Variants in RPS6KA2 observed in about 807,000 individuals in gnomAD.
RPS6KA2 encodes ribosomal protein S6 kinase alpha-2.
In RPS6KA2, 42 loss-of-function variants were observed where a neutral mutation model predicts 91.8. The ratio of observed to expected loss-of-function variants is 0.46; its 90% CI spans 0.36 to 0.59. The LOEUF is 0.59. Ranked by LOEUF, RPS6KA2 falls within the 20% of genes least tolerant of loss-of-function variation. The pLI, the probability that RPS6KA2 is intolerant of heterozygous loss-of-function variation, is 0.00. For synonymous variants in RPS6KA2, 414 were observed against 393.6 expected (o/e 1.05, Z -0.61); for missense variants, 798 against 978.5 (o/e 0.82, Z 2.46).
At chr6:166,575,820 G>C (rs1409694545) in intron 1 of RPS6KA2, among the ~76,000 whole-genome samples, 3 of 152,062 alleles carry the variant, frequency 2.0e-5, no homozygotes, top group Admixed American at 2.0e-4. Context: ...AGCTCACCAA[G>C]ATAGCAATCT....
chr6:166,632,217 C>T (rs766890185), upstream of RPS6KA2, among the ~76,000 whole-genome samples: 4 of 152,102 alleles, frequency 2.6e-5, no homozygotes, highest in Non-Finnish European at 5.9e-5. Context: ...CTGTGTTGCC[C>T]GCAGGTAGCT....
At chr6:166,622,350 G>T (rs1385977868) in intron 1 of RPS6KA2, among the ~76,000 whole-genome samples, 1 of 152,086 alleles carries the variant, frequency 6.6e-6, no homozygotes, top group East Asian at 1.9e-4. Context: ...TCTTTAAAAT[G>T]AGTATATAAA....
chr6:166,776,899 C>A (rs1453038136), intron 2 of RPS6KA2, among the ~76,000 whole-genome samples: 1 of 152,146 alleles, frequency 6.6e-6, no homozygotes, highest in Non-Finnish European at 1.5e-5. Context: ...TGTTTCAGTA[C>A]CTGTTTTCAA....
At chr6:166,810,057 A>C (rs974630446) in intron 2 of RPS6KA2, among the ~76,000 whole-genome samples, 1 of 152,218 alleles carries the variant, frequency 6.6e-6, no homozygotes, top group African/African-American at 2.4e-5. Context: ...GCAGAAGACA[A>C]AGGAGAAGCA....
chr6:166,589,809 T>G (rs180847097), intron 1 of RPS6KA2, among the ~76,000 whole-genome samples: 3 of 152,312 alleles, frequency 2.0e-5, no homozygotes, highest in Admixed American at 6.5e-5. Flanking sequence ...GGAAACATTT[T>G]CAAAATTTCT....
At chr6:166,453,861 A>G (rs1273422511) in intron 12 of RPS6KA2, among the ~76,000 whole-genome samples, 1 of 152,238 alleles carries the variant, frequency 6.6e-6, no homozygotes, top group Non-Finnish European at 1.5e-5. Context: ...ATGGAATACT[A>G]TTTAGTCATA....
intron 2 of RPS6KA2, among the ~76,000 whole-genome samples, chr6:166,713,903 C>G (rs1372959667): frequency 6.6e-6 from 1 of 152,100 alleles, no homozygotes; most frequent in Non-Finnish European, 1.5e-5. Flanking sequence ...CAGCGGTCAC[C>G]ACACCCTGTC....
chr6:166,651,194 A>G (rs1321675373), intron 2 of RPS6KA2, among the ~76,000 whole-genome samples: 1 of 152,194 alleles, frequency 6.6e-6, no homozygotes, highest in African/African-American at 2.4e-5. Context: ...TCTCATACTT[A>G]TATCATATAT....
In RPS6KA2 at chr6:166,852,035, G is replaced by C. The variant is rs775088946; in HGVS notation, c.123+6165C>G. Among the ~76,000 whole-genome samples, 4 of 152,022 alleles carry C rather than the reference G, an allele frequency of 2.6e-5. No homozygotes were observed. The highest frequency in any genetic ancestry group is 6.5e-5 in the Admixed American group (1 of 15,268). On this transcript the variant is annotated intron_variant, in intron 2 of 21. Coordinates refer to the RPS6KA2 transcript ENST00000503859. The surrounding 1 kb of genome is among the most constrained non-coding windows in gnomAD (Gnocchi z 4.1). ...CATGAAGCCAATGTTATTCTCACCCGCTCCACAGTGCGTCTAAACACAGAT... is the reference window on the plus strand; with the variant it reads ...CATGAAGCCAATGTTATTCTCACCCCCTCCACAGTGCGTCTAAACACAGAT...
At chr6:166,823,855 C>T (rs1099665) in intron 2 of RPS6KA2, among the ~76,000 whole-genome samples, 83,875 of 152,032 alleles carry the variant, frequency 0.55, 24,509 homozygotes, top group Middle Eastern at 0.73. Context: ...AAAGGTCTTA[C>T]GATACCACAT....
intron 2 of RPS6KA2, among the ~76,000 whole-genome samples, chr6:166,694,816 T>C (rs141090134): frequency 1.6e-4 from 25 of 152,292 alleles, no homozygotes; most frequent in African/African-American, 6.0e-4. Context: ...AGAAAGAGAG[T>C]AATTCATTCA....
At chr6:166,799,392 C>T (rs1335361202) in intron 2 of RPS6KA2, among the ~76,000 whole-genome samples, 3 of 152,086 alleles carry the variant, frequency 2.0e-5, no homozygotes. Flanking sequence ...CAGAAAATTA[C>T]ATTTAAAAAA....
At chr6:166,644,669 G>T (rs1787553356) in intron 2 of RPS6KA2, among the ~76,000 whole-genome samples, 1 of 152,340 alleles carries the variant, frequency 6.6e-6, no homozygotes, top group Non-Finnish European at 1.5e-5. Context: ...CTAGGGGTTT[G>T]TGGTGTCCAT....
intron 2 of RPS6KA2, among the ~76,000 whole-genome samples, chr6:166,741,914 G>A (rs1158526716): frequency 1.3e-5 from 2 of 152,174 alleles, no homozygotes; most frequent in Non-Finnish European, 2.9e-5. Context: ...ATCACCTGAG[G>A]TCGGGAGTTC....
At chr6:166,758,431 G>C in intron 2 of RPS6KA2, among the ~76,000 whole-genome samples, 1 of 152,144 alleles carries the variant, frequency 6.6e-6, no homozygotes, top group East Asian at 1.9e-4. Context: ...CAGAACATCA[G>C]CCCCTTTCTT....
chr6:166,454,220 C>T (rs1780011263), intron 12 of RPS6KA2, among the ~76,000 whole-genome samples: 1 of 152,198 alleles, frequency 6.6e-6, no homozygotes. Context: ...ATAAAACAGG[C>T]TGGGCGCGGT....
intron 1 of RPS6KA2, among the ~76,000 whole-genome samples, chr6:166,568,929 C>A (rs1267087660): frequency 2.6e-5 from 4 of 152,166 alleles, no homozygotes; most frequent in Non-Finnish European, 5.9e-5. Context: ...TCTGCTTCTT[C>A]CTGATTTCAT....
intron 2 of RPS6KA2, among the ~76,000 whole-genome samples, chr6:166,659,598 A>G (rs1052016177): frequency 2.6e-5 from 4 of 152,256 alleles, no homozygotes; most frequent in Non-Finnish European, 5.9e-5. Context: ...TAGGTTATCA[A>G]TCATTCCAGG....
intron 2 of RPS6KA2, among the ~76,000 whole-genome samples, chr6:166,822,499 T>C (rs1779929124): frequency 6.6e-6 from 1 of 152,168 alleles, no homozygotes; most frequent in Non-Finnish European, 1.5e-5. Context: ...ATTTCCAGCC[T>C]CCGGAGCTAC....
Sources: allele counts gnomAD v4.1 joint callset (sites outside exome capture counted in the v4.1 genomes callset), GRCh38; gene constraint gnomAD v4.1.1; non-coding constraint Gnocchi (gnomAD v3.1); transcripts MANE v1.5; gene names NCBI Gene and HGNC (gene_info 2026-07-23, HGNC 2026-07-21).